Variants in FAT3 observed in about 807,000 individuals in gnomAD.
FAT3 encodes protocadherin Fat 3.
A neutral mutation model predicts 310.2 loss-of-function variants in FAT3; 95 were observed. The ratio of observed to expected loss-of-function variants is 0.31; its 90% CI spans 0.26 to 0.36. The LOEUF (loss-of-function observed/expected upper bound fraction) is 0.36, where lower values mean the gene tolerates loss of function less well. Among genes scored for constraint, FAT3 ranks in the 10% least tolerant of loss-of-function variants. The pLI, the probability that FAT3 is intolerant of heterozygous loss-of-function variation, is 1.00. For synonymous variants in FAT3, 2,314 were observed against 2,192.9 expected (o/e 1.06, Z -1.54); for missense variants, 5,408 against 5,715.6 (o/e 0.95, Z 1.74).
intron 1 of FAT3, among the ~76,000 whole-genome samples, chr11:92,257,955 C>T (rs1865380086): frequency 1.3e-5 from 2 of 152,066 alleles, no homozygotes; most frequent in Non-Finnish European, 2.9e-5. Context: ...ATATGGATTC[C>T]CCTATCTTGC....
chr11:92,371,873 A>C (rs1375055380), intron 2 of FAT3, among the ~76,000 whole-genome samples: 2 of 152,222 alleles, frequency 1.3e-5, no homozygotes, highest in Non-Finnish European at 2.9e-5. Flanking sequence ...AGGAAAAGTT[A>C]CAGTACATGC....
At chr11:92,831,544 T>A in intron 13 of FAT3, 78 bp from the exon 14 acceptor site, 1 of 1,276,462 alleles carries the variant, frequency 7.8e-7, no homozygotes, top group African/African-American at 1.5e-5. Context: ...CCTTCAAAAG[T>A]CTGCAAAGCT....
Position 92,560,449 on chromosome 11 carries a change from GT to G in FAT3, c.3607+35511del, listed in dbSNP as rs1307856139. On this transcript the variant is annotated intron_variant, in intron 3 of 27. Transcript: ENST00000525166. ...TCATTTTAATTTTAATAAAGTCTAG[GT>G]TTTTTTTTTATTTGTATTGCTTGTG... 7.3e-5 allele frequency among the ~76,000 whole-genome samples: 11 copies of G among 149,944 alleles called. No individual in the cohort carries two copies. In the East Asian group the frequency reaches 7.8e-4, roughly 11 times the overall value.
chr11:92,584,473 T>A (rs1591485546), intron 3 of FAT3, among the ~76,000 whole-genome samples: 1 of 90,468 alleles, frequency 1.1e-5, no homozygotes, highest in Non-Finnish European at 2.1e-5. Context: ...ATTTGACAGC[T>A]TTTTTTCCCC....
chr11:92,484,137 GTCT>G (rs1278756011), intron 2 of FAT3, among the ~76,000 whole-genome samples: 1 of 152,200 alleles, frequency 6.6e-6, no homozygotes, highest in Non-Finnish European at 1.5e-5. Context: ...CCAAAGGTAT[GTCT>G]TCTTCTTGGC....
At chr11:92,303,028 G>GT (rs1193003777) in intron 1 of FAT3, among the ~76,000 whole-genome samples, 1 of 152,068 alleles carries the variant, frequency 6.6e-6, no homozygotes, top group Non-Finnish European at 1.5e-5. Flanking sequence ...CCTCATTAGA[G>GT]TTTTTTGCGG....
chr11:92,510,305 C>A (rs1012925728), intron 2 of FAT3, among the ~76,000 whole-genome samples: 18 of 152,116 alleles, frequency 1.2e-4, no homozygotes, highest in Non-Finnish European at 1.3e-4. Context: ...TAGGTTTCAA[C>A]CTTCCTTTCT....
chr11:92,479,158 C>T (rs567645981), intron 2 of FAT3, among the ~76,000 whole-genome samples: 3 of 149,206 alleles, frequency 2.0e-5, no homozygotes, highest in South Asian at 4.4e-4. Context: ...TGTATCACCA[C>T]GGCCAGCTAT....
At chr11:92,255,414 C>T (rs777281790) in intron 1 of FAT3, among the ~76,000 whole-genome samples, 3 of 151,184 alleles carry the variant, frequency 2.0e-5, no homozygotes, top group South Asian at 2.1e-4. Context: ...TTGTCTACCT[C>T]ATTGGATACT....
intron 1 of FAT3, among the ~76,000 whole-genome samples, chr11:92,255,407 T>A (rs1474678929): frequency 2.0e-5 from 3 of 151,694 alleles, no homozygotes; most frequent in African/African-American, 7.3e-5. Context: ...ACAACATTTG[T>A]CTACCTCATT....
In FAT3 at chr11:92,891,409, GC is replaced by G; in HGVS notation, c.*298del. On this transcript the variant is annotated 3_prime_UTR_variant, in exon 28 of 28. Transcript: ENST00000525166. ...ATTATTTCACCCACTAAGTTATACA[GC>G]CAGTCTTGTATGGCTTTGTGCAGTA... The G allele has an allele frequency of 2.3e-6, 1 of 428,408 alleles. No homozygotes were observed. The highest frequency in any genetic ancestry group is 4.4e-6 in the Non-Finnish European group (1 of 229,740). 26.5% of individuals were successfully genotyped at this position (428,408 alleles called of 1,614,324 possible).
chr11:92,734,842 A>G (rs141370324), intron 4 of FAT3, among the ~76,000 whole-genome samples: 5 of 152,296 alleles, frequency 3.3e-5, no homozygotes, highest in Non-Finnish European at 7.4e-5. Flanking sequence ...GCTTTACAAA[A>G]TGATCCCTGA....
chr11:92,673,223 C>T (rs901416883), intron 3 of FAT3, among the ~76,000 whole-genome samples: 1 of 152,130 alleles, frequency 6.6e-6, no homozygotes, highest in African/African-American at 2.4e-5. Flanking sequence ...AAGACCAGCT[C>T]ATATTTGGGG....
chr11:92,716,573 C>T (rs1944697475), intron 4 of FAT3, among the ~76,000 whole-genome samples: 1 of 152,192 alleles, frequency 6.6e-6, no homozygotes, highest in South Asian at 2.1e-4. Context: ...AGGTTCTTAA[C>T]TCTGCCTGTT....
At chr11:92,832,610 C>A (rs1948294515) in intron 14 of FAT3, among the ~76,000 whole-genome samples, 1 of 152,120 alleles carries the variant, frequency 6.6e-6, no homozygotes, top group African/African-American at 2.4e-5. Flanking sequence ...GGCTCAGGGG[C>A]AGCAATGTGG....
chr11:92,474,677 AAGCTC>A, intron 2 of FAT3, among the ~76,000 whole-genome samples: 1 of 152,208 alleles, frequency 6.6e-6, no homozygotes, highest in South Asian at 2.1e-4. Flanking sequence ...GGTCCTGGGA[AAGCTC>A]CCTGGAGATG....
intron 4 of FAT3, among the ~76,000 whole-genome samples, chr11:92,753,968 C>T (rs534453217): frequency 1.3e-4 from 19 of 151,726 alleles, no homozygotes; most frequent in African/African-American, 4.4e-4. Flanking sequence ...CAAAGGCATA[C>T]AATGTATTTG....
chr11:92,778,646 A>C (rs1312005727), intron 7 of FAT3, among the ~76,000 whole-genome samples: 2 of 152,200 alleles, frequency 1.3e-5, no homozygotes, highest in African/African-American at 4.8e-5. Context: ...TTTTCATCAG[A>C]TGTTCAAATG....
rs746923546 is a variant in FAT3 at position 92,792,792 on chromosome 11, G to A, written c.4637G>A (p.Arg1546Gln). Residue 1546 changes from arginine (R) to glutamine (Q), a missense_variant, in exon 9 of 28, where the codon CGA (arginine) becomes CAA (glutamine). Coordinates refer to ENST00000525166, the MANE Select transcript of FAT3 (RefSeq NM_001367949.2). ...GTCAGAGATCAGGAGTTTCCTTATC[G>A]AAGAAACTTGGCCCGAGTCATTGTG... is the stretch of plus-strand genomic sequence containing the variant. ...IMVRDQEFPY[R>Q]RNLARVIVNV... The A allele has an allele frequency of 2.2e-5, 36 of 1,613,576 alleles. No individual in the cohort carries two copies. Among genetic ancestry groups the A allele is most frequent in the African/African-American group, 2.7e-5 (2 of 74,850 alleles).
Sources: gnomAD v4.1 joint callset for allele counts (sites outside exome capture counted in the v4.1 genomes callset) on GRCh38, gnomAD v4.1.1 for gene constraint, MANE v1.5 for transcripts, NCBI Gene and HGNC (gene_info 2026-07-23, HGNC 2026-07-21) for gene names.